Variants in PTGER4 observed in about 807,000 individuals in gnomAD.
The protein encoded by PTGER4 is prostaglandin E2 receptor EP4 subtype.
A neutral mutation model predicts 33.2 loss-of-function variants in PTGER4; 11 were observed. The observed-to-expected ratio is 0.33, with a 90% CI of 0.21 to 0.55. The LOEUF is 0.55. Among genes scored for constraint, PTGER4 ranks in the 20% least tolerant of loss-of-function variants. The pLI is 0.92. For missense variants in PTGER4, 481 were observed against 650.2 expected, an observed-to-expected ratio of 0.74 and a Z score of 2.83; for synonymous variants, 275 against 281.5, an observed-to-expected ratio of 0.98 and a Z score of 0.23.
chr5:40,692,650 A>G lies in PTGER4; in HGVS notation c.*272A>G, dbSNP rs1262250143. 6 of 1,159,096 alleles carry G rather than the reference A, an allele frequency of 5.2e-6. No homozygotes were observed. Among genetic ancestry groups the G allele is most frequent in the Non-Finnish European group, 6.4e-6 (6 of 938,264 alleles). 71.8% of individuals were successfully genotyped at this position (1,159,096 alleles called of 1,614,324 possible). A position where few individuals can be genotyped will look rare whatever the true frequency, so the allele number is the denominator to read the frequency against. On this transcript the variant is annotated 3_prime_UTR_variant, in exon 3 of 3. Transcript: ENST00000302472. ...AAGACCTACCCTCCGTTTTTCTACTAGATAGGAGGATGGTAGAAGTTTGGC... is the reference window on the plus strand; with the variant it reads ...AAGACCTACCCTCCGTTTTTCTACTGGATAGGAGGATGGTAGAAGTTTGGC...
the PTGER4 span, among the ~76,000 whole-genome samples, chr5:40,700,752 G>A: frequency 2.9e-4 from 39 of 133,198 alleles, no homozygotes; most frequent in African/African-American, 9.0e-4. Context: ...GTGAATTACA[G>A]CCAGCACTCA....
chr5:40,716,571 C>T, the PTGER4 span: 28 of 963,878 alleles, frequency 2.9e-5, no homozygotes, highest in African/African-American at 1.3e-4. Context: ...TGTGTGTTTA[C>T]GTACATATAT....
the PTGER4 span, among the ~76,000 whole-genome samples, chr5:40,700,909 T>C: frequency 6.6e-6 from 1 of 152,060 alleles, no homozygotes; most frequent in Non-Finnish European, 1.5e-5. Flanking sequence ...ACCCCAAAAC[T>C]TCAACACCAA....
In PTGER4 at chr5:40,691,766, C is replaced by T. The variant is rs774845658; in HGVS notation, c.868-13C>T. The T allele has an allele frequency of 6.2e-7, 1 of 1,600,154 alleles. No individual in the cohort carries two copies. Among genetic ancestry groups the T allele is most frequent in the South Asian group, 1.1e-5 (1 of 89,206 alleles). ...TAATGATGAAATCTAAATGTGCGAT[C>T]TCACTTATGCAGGTGCGAGTATTCG... On this transcript the variant is annotated splice_polypyrimidine_tract_variant and intron_variant, in intron 2 of 2. Transcript: ENST00000302472. The surrounding 1 kb of genome is among the most constrained non-coding windows in gnomAD (Gnocchi z 4.2).
chr5:40,735,578 T>C, the PTGER4 span, among the ~76,000 whole-genome samples: 1 of 152,090 alleles, frequency 6.6e-6, no homozygotes, highest in South Asian at 2.1e-4. Context: ...AAAACAGAAG[T>C]AAGCCATGAA....
the PTGER4 span, chr5:40,728,467 A>C: frequency 1.2e-6 from 2 of 1,605,942 alleles, no homozygotes; most frequent in African/African-American, 2.7e-5. Context: ...TCATGAAGAG[A>C]CATTAGCACC....
chr5:40,686,342 A>G (rs374735482), intron 2 of PTGER4, among the ~76,000 whole-genome samples: 11 of 152,368 alleles, frequency 7.2e-5, no homozygotes, highest in Admixed American at 4.6e-4. Context: ...CAAATTATTA[A>G]GTAGGAAGTA....
chr5:40,691,465 C>T lies in PTGER4; in HGVS notation c.868-314C>T, dbSNP rs534493339. On this transcript the variant is annotated intron_variant, in intron 2 of 2. Transcript: ENST00000302472. The surrounding 1 kb of genome is among the most constrained non-coding windows in gnomAD (Gnocchi z 4.2). ...AAAATGCTGGGATTACAGGCGTGAG[C>T]CACCGCACCCAGCCTAATGTTTGTA... 3.3e-5 allele frequency among the ~76,000 whole-genome samples: 5 copies of T among 152,322 alleles called. No individual in the cohort carries two copies. The highest frequency in any genetic ancestry group is 2.1e-4 in the South Asian group (1 of 4,826).
At chr5:40,686,326 T>C (rs1383424666) in intron 2 of PTGER4, among the ~76,000 whole-genome samples, 1 of 152,234 alleles carries the variant, frequency 6.6e-6, no homozygotes, top group African/African-American at 2.4e-5. Flanking sequence ...CAACATTCCC[T>C]GCAAACAAAT....
the PTGER4 span, among the ~76,000 whole-genome samples, chr5:40,699,248 A>G: frequency 6.6e-6 from 1 of 152,048 alleles, no homozygotes; most frequent in African/African-American, 2.4e-5. Flanking sequence ...GAAAAGACAT[A>G]GCAATAGATT....
the PTGER4 span, among the ~76,000 whole-genome samples, chr5:40,710,002 G>A: frequency 6.6e-6 from 1 of 152,146 alleles, no homozygotes; most frequent in Non-Finnish European, 1.5e-5. Flanking sequence ...ATACCATTCA[G>A]GACATAGGCA....
chr5:40,739,628 C>T, the PTGER4 span, among the ~76,000 whole-genome samples: 2 of 152,200 alleles, frequency 1.3e-5, no homozygotes, highest in Admixed American at 1.3e-4. Context: ...CTACCTTTGC[C>T]TTCTGCTATG....
rs1741149319 is a variant in PTGER4 at position 40,680,223 on chromosome 5, T to C, written c.-299T>C. ...GGACTCGTCTTTGAAGGAAAAAAAATAGCGAGTAAGAAATCCAGCACCATT... is the reference window on the plus strand; with the variant it reads ...GGACTCGTCTTTGAAGGAAAAAAAACAGCGAGTAAGAAATCCAGCACCATT... On this transcript the variant is annotated 5_prime_UTR_variant, in exon 1 of 3. Transcript: ENST00000302472. This position sits in a 1 kb window ranked among gnomAD's most constrained non-coding sequence, Gnocchi z 5.5. The C allele has an allele frequency of 6.6e-6, 1 of 152,354 alleles. No individual in the cohort carries two copies. Among genetic ancestry groups the C allele is most frequent in the Non-Finnish European group, 1.5e-5 (1 of 68,086 alleles). 9.4% of individuals were successfully genotyped at this position (152,354 alleles called of 1,614,324 possible).
At chr5:40,697,218 GA>G (rs954696905), downstream of PTGER4, among the ~76,000 whole-genome samples, 23 of 101,274 alleles carry the variant, frequency 2.3e-4, no homozygotes, top group South Asian at 6.8e-4. Flanking sequence ...GAAAGAAAAA[GA>G]AAGAAGAAAA....
the PTGER4 span, among the ~76,000 whole-genome samples, chr5:40,705,932 C>T: frequency 2.6e-5 from 4 of 152,142 alleles, no homozygotes; most frequent in Non-Finnish European, 5.9e-5. Flanking sequence ...CCTCAAAGAA[C>T]TAAAAGCAGA....
the PTGER4 span, among the ~76,000 whole-genome samples, chr5:40,735,129 C>T: frequency 4.1e-4 from 62 of 152,024 alleles, no homozygotes; most frequent in Non-Finnish European, 5.4e-4. Context: ...GGAGGTGGGC[C>T]GAAGCCATGA....
At chr5:40,697,594 C>A (rs6867618), downstream of PTGER4, among the ~76,000 whole-genome samples, 55,449 of 101,456 alleles carry the variant, frequency 0.55, 12,340 homozygotes, top group Admixed American at 0.62. Flanking sequence ...AAAAAAAAAA[C>A]AAAAAAACAA....
At chr5:40,687,203 G>A (rs1240574225) in intron 2 of PTGER4, among the ~76,000 whole-genome samples, 1 of 151,966 alleles carries the variant, frequency 6.6e-6, no homozygotes, top group Non-Finnish European at 1.5e-5. Context: ...GCACCACCAC[G>A]CCCGGCTAAT....
the PTGER4 span, among the ~76,000 whole-genome samples, chr5:40,744,246 A>G: frequency 2.0e-5 from 3 of 152,198 alleles, no homozygotes; most frequent in Admixed American, 1.3e-4. Flanking sequence ...AGAATTCACA[A>G]CCTAACATTA....
Sources: allele counts gnomAD v4.1 joint callset (sites outside exome capture counted in the v4.1 genomes callset), GRCh38; gene constraint gnomAD v4.1.1; non-coding constraint Gnocchi (gnomAD v3.1); transcripts MANE v1.5; gene names NCBI Gene and HGNC (gene_info 2026-07-23, HGNC 2026-07-21).